The following KIAA0825 variants were observed in gnomAD, a reference collection of about 807,000 sequenced individuals.
KIAA0825 encodes KIAA0825, also known as uncharacterized protein KIAA0825.
A neutral mutation model predicts 147.6 loss-of-function variants in KIAA0825; 119 were observed. The ratio of observed to expected loss-of-function variants is 0.81; its 90% CI spans 0.69 to 0.94. The LOEUF (loss-of-function observed/expected upper bound fraction) is 0.94. Among genes scored for constraint, KIAA0825 ranks in the 40% least tolerant of loss-of-function variants. KIAA0825 has a pLI of 0.00. For missense variants in KIAA0825, 1,381 were observed against 1,472.7 expected, an observed-to-expected ratio of 0.94 and a Z score of 1.02; for synonymous variants, 470 against 518.1, an observed-to-expected ratio of 0.91 and a Z score of 1.26.
chr5:94,230,903 G>A (rs1774635157), intron 20 of KIAA0825, among the ~76,000 whole-genome samples: 4 of 152,034 alleles, frequency 2.6e-5, no homozygotes, highest in Admixed American at 2.6e-4. Flanking sequence ...CTCTTTCTGG[G>A]ATTAGTTTAG....
chr5:94,579,065 G>C (rs751655438), intron 2 of KIAA0825, among the ~76,000 whole-genome samples: 1 of 152,122 alleles, frequency 6.6e-6, no homozygotes, highest in African/African-American at 2.4e-5. Flanking sequence ...GGGACTACAG[G>C]AGCGTGCCAC....
chr5:94,179,858 T>C (rs1769441218), intron 20 of KIAA0825, among the ~76,000 whole-genome samples: 1 of 150,406 alleles, frequency 6.6e-6, no homozygotes, highest in South Asian at 2.1e-4. Flanking sequence ...GAATCCATAC[T>C]AATATAAATA....
At chr5:94,259,217 A>C (rs997716150) in intron 20 of KIAA0825, among the ~76,000 whole-genome samples, 1 of 152,074 alleles carries the variant, frequency 6.6e-6, no homozygotes, top group Non-Finnish European at 1.5e-5. Context: ...TAAATTATTA[A>C]GACTGAAATA....
rs1188997432 is a variant in KIAA0825 at position 94,568,661 on chromosome 5, C to T, written c.-2+13772G>A. ...AGACCTCAACTACTTAACCAACAAA[C>T]TCAAAATAAAAAACCCACTGTGTAC... is the stretch of plus-strand genomic sequence containing the variant. On this transcript the variant is annotated intron_variant, in intron 2 of 20. Coordinates refer to ENST00000682413, the MANE Select transcript of KIAA0825 (RefSeq NM_001145678.3). 19 of 152,544 alleles carry T rather than the reference C, an allele frequency of 1.2e-4. No homozygotes were observed. The East Asian group carries it at 3.3e-3, about 26-fold the overall frequency. 9.4% of individuals were successfully genotyped at this position (152,544 alleles called of 1,614,324 possible). A position where few individuals can be genotyped will look rare whatever the true frequency, so the allele number is the denominator to read the frequency against.
In KIAA0825 at chr5:94,151,463, T is replaced by A. The variant is rs1332408736; in HGVS notation, c.*2544A>T. 1.4e-5 allele frequency among the ~76,000 whole-genome samples: 2 copies of A among 139,406 alleles called. No homozygotes were observed. The highest frequency in any genetic ancestry group is 5.3e-5 in the African/African-American group (2 of 37,638). The allele number at this position is 139,406 out of a possible 152,430, so 91.5% of individuals were successfully genotyped here. On this transcript the variant is annotated 3_prime_UTR_variant, in exon 21 of 21. Coordinates refer to ENST00000682413, the MANE Select transcript of KIAA0825 (RefSeq NM_001145678.3). ...AAAAAAAAAAAAAACATATTGAGTA[T>A]AAAGTCAAAATAATCTGATAAATCA...
rs768989788 is a variant in KIAA0825 at position 94,524,086 on chromosome 5, GC to G, written c.143del (p.Cys48SerfsTer28). 18 of 1,605,392 alleles carry G rather than the reference GC, an allele frequency of 1.1e-5. No homozygotes were observed. Among genetic ancestry groups the G allele is most frequent in the South Asian group, 1.0e-4 (9 of 89,918 alleles). On this transcript the variant is annotated frameshift_variant, in exon 4 of 21. Coordinates refer to ENST00000682413, the MANE Select transcript of KIAA0825 (RefSeq NM_001145678.3). LOFTEE classifies it high-confidence loss of function. ...TAATTTCGGACTGTATCTCTTTAAT[GC>G]AATGTTTTATGCTATAAAAAACAGA... is the stretch of plus-strand genomic sequence containing the variant. The part of the protein sequence containing the change: ...IEQNAASIKH[C>X]IKEIQSEINK...
intron 20 of KIAA0825, among the ~76,000 whole-genome samples, chr5:94,315,895 G>A (rs1216374640): frequency 6.6e-6 from 1 of 151,668 alleles, no homozygotes; most frequent in Non-Finnish European, 1.5e-5. Flanking sequence ...TGTTCACGGT[G>A]TTATGTGTCA....
chr5:94,266,081 C>T (rs1309906149), intron 20 of KIAA0825, among the ~76,000 whole-genome samples: 1 of 152,112 alleles, frequency 6.6e-6, no homozygotes, highest in African/African-American at 2.4e-5. Flanking sequence ...AAACAACTGA[C>T]AGGTATTTGG....
intron 20 of KIAA0825, among the ~76,000 whole-genome samples, chr5:94,356,695 A>C (rs1389977391): frequency 6.6e-6 from 1 of 151,550 alleles, no homozygotes; most frequent in Non-Finnish European, 1.5e-5. Flanking sequence ...AGACAAAAAT[A>C]CACATCAAAC....
intron 20 of KIAA0825, among the ~76,000 whole-genome samples, chr5:94,233,314 A>G (rs1170956407): frequency 6.6e-6 from 1 of 152,240 alleles, no homozygotes; most frequent in Non-Finnish European, 1.5e-5. Context: ...ACTCTTCTAT[A>G]GTGATGAGGC....
chr5:94,417,915 A>C (rs1753680723), intron 14 of KIAA0825, among the ~76,000 whole-genome samples: 1 of 152,128 alleles, frequency 6.6e-6, no homozygotes. Flanking sequence ...TCCTCAATAA[A>C]ACTATATAAA....
chr5:94,270,056 T>G (rs1776913822), intron 20 of KIAA0825, among the ~76,000 whole-genome samples: 1 of 151,972 alleles, frequency 6.6e-6, no homozygotes, highest in Non-Finnish European at 1.5e-5. Context: ...AAGAAATAAA[T>G]AAATTCCTAG....
At chr5:94,584,586 G>T (rs909397430) in intron 1 of KIAA0825, among the ~76,000 whole-genome samples, 19 of 152,098 alleles carry the variant, frequency 1.2e-4, no homozygotes, top group Admixed American at 1.2e-3. Context: ...AAAGTGATGG[G>T]GAGAATGGAA....
chr5:94,204,330 G>C (rs1583841381), intron 20 of KIAA0825, among the ~76,000 whole-genome samples: 1 of 152,108 alleles, frequency 6.6e-6, no homozygotes, highest in East Asian at 1.9e-4. Context: ...AGTTACCCAA[G>C]ACAATGCCTT....
chr5:94,609,257 A>T (rs1164314626), intron 1 of KIAA0825, among the ~76,000 whole-genome samples: 1 of 152,226 alleles, frequency 6.6e-6, no homozygotes, highest in Non-Finnish European at 1.5e-5. Context: ...GCAGGAGCAG[A>T]TCTGAAATTC....
At chr5:94,194,083 T>C (rs1426673867) in intron 20 of KIAA0825, among the ~76,000 whole-genome samples, 1 of 152,084 alleles carries the variant, frequency 6.6e-6, no homozygotes, top group African/African-American at 2.4e-5. Context: ...TCAATTTCCC[T>C]CCCTAGACAA....
At chr5:94,423,666 C>T (rs1445289088) in intron 14 of KIAA0825, among the ~76,000 whole-genome samples, 1 of 152,074 alleles carries the variant, frequency 6.6e-6, no homozygotes, top group Non-Finnish European at 1.5e-5. Flanking sequence ...GTGCCATGAG[C>T]TCAGGGACTC....
rs769402192 is a variant in KIAA0825 at position 94,384,330 on chromosome 5, TC to T, written c.3710+37del. On this transcript the variant is annotated intron_variant, in intron 20 of 20. Coordinates refer to ENST00000682413, the MANE Select transcript of KIAA0825 (RefSeq NM_001145678.3). ...ACACACACGCACACACACAACCTTG[TC>T]CCTCAACCAGACCCCCAAGGTCCCC... 2.8e-6 allele frequency: 4 copies of T among 1,442,852 alleles called. No individual in the cohort carries two copies. The South Asian group carries it at 4.9e-5, about 18-fold the overall frequency. The allele number at this position is 1,442,852 out of a possible 1,614,324, so 89.4% of individuals were successfully genotyped here.
At chr5:94,495,571 G>A (rs1271186498) in intron 5 of KIAA0825, among the ~76,000 whole-genome samples, 2 of 152,194 alleles carry the variant, frequency 1.3e-5, no homozygotes, top group Non-Finnish European at 2.9e-5. Context: ...AAAGCAGAGT[G>A]GGGTGACTAA....
Sources: allele counts gnomAD v4.1 joint callset (sites outside exome capture counted in the v4.1 genomes callset), GRCh38; gene constraint gnomAD v4.1.1; transcripts MANE v1.5; gene names NCBI Gene and HGNC (gene_info 2026-07-23, HGNC 2026-07-21).